UBOX5: variants seen among roughly 807,000 people sequenced by gnomAD.
UBOX5 encodes the protein RING finger protein 37.
UBOX5 carries 28 observed loss-of-function variants against 39.0 expected under a neutral mutation model. The observed-to-expected ratio is 0.72, with a 90% CI of 0.53 to 0.98. UBOX5 has a LOEUF of 0.98. Among genes scored for constraint, UBOX5 ranks in the 50% least tolerant of loss-of-function variants. The probability of loss-of-function intolerance (pLI) is 0.00; values close to 1 mark genes in which losing one functional copy is unlikely to be tolerated. For synonymous variants in UBOX5, 283 were observed against 275.5 expected, an observed-to-expected ratio of 1.03 and a Z score of -0.27; for missense variants, 585 against 674.4, an observed-to-expected ratio of 0.87 and a Z score of 1.47.
chr20:3,113,154 G>A (rs2148586263), intron 4 of UBOX5, among the ~76,000 whole-genome samples: 1 of 151,876 alleles, frequency 6.6e-6, no homozygotes, highest in East Asian at 1.9e-4. Flanking sequence ...GGGCTTGGTG[G>A]CGTTTGCCTG....
At chr20:3,114,872 C>T (rs1026158250) in intron 4 of UBOX5, among the ~76,000 whole-genome samples, 4 of 152,086 alleles carry the variant, frequency 2.6e-5, no homozygotes, top group Non-Finnish European at 4.4e-5. Flanking sequence ...AGCTTGAATC[C>T]AGGAGGCGGA....
At chr20:3,120,345 CAAA>C (rs35882932) in intron 3 of UBOX5, among the ~76,000 whole-genome samples, 1 of 70,990 alleles carries the variant, frequency 1.4e-5, no homozygotes, top group Non-Finnish European at 2.9e-5. Context: ...GACTCCATCT[CAAA>C]AAAAAAAAAA....
chr20:3,148,933 G>A lies in UBOX5; in HGVS notation c.-42+10833C>T, dbSNP rs777005954. 1.1e-5 allele frequency: 18 copies of A among 1,614,194 alleles called. No homozygotes were observed. In the East Asian group the frequency reaches 4.0e-4, roughly 36 times the overall value. Reference sequence around the variant, plus strand: ...TTTTGGCAGAATGGCAGAGGCTAATGTGTTCTGGAGGGTCCTGTCCCCCAT... The same window carrying A: ...TTTTGGCAGAATGGCAGAGGCTAATATGTTCTGGAGGGTCCTGTCCCCCAT... On this transcript the variant is annotated intron_variant, in intron 1 of 4. Transcript: ENST00000217173.
chr20:3,135,837 C>T (rs2066467037), intron 1 of UBOX5, among the ~76,000 whole-genome samples: 1 of 151,938 alleles, frequency 6.6e-6, no homozygotes, highest in African/African-American at 2.4e-5. Flanking sequence ...ATCGGTGAAT[C>T]ATTATCAGTA....
intron 4 of UBOX5, 140 bp from the exon 5 acceptor site, chr20:3,110,454 G>A: frequency 2.0e-6 from 2 of 984,782 alleles, no homozygotes; most frequent in Non-Finnish European, 3.1e-6. Flanking sequence ...GTCTGATCAG[G>A]TAGGGGAGTG....
chr20:3,146,523 T>C (rs1337388798), intron 1 of UBOX5: 6 of 396,964 alleles, frequency 1.5e-5, no homozygotes, highest in Non-Finnish European at 2.7e-5. Flanking sequence ...AAGGACTTAC[T>C]TGACCGTAGG....
chr20:3,155,474 TG>T (rs1346526432), intron 1 of UBOX5, among the ~76,000 whole-genome samples: 1 of 151,968 alleles, frequency 6.6e-6, no homozygotes, highest in East Asian at 1.9e-4. Flanking sequence ...GAGGTTGTGG[TG>T]AGGCGAGGTC....
rs1329262975 is a variant in UBOX5, at chr20:3,108,007, A to G, written c.*2099T>C. 6.6e-6 allele frequency: 1 copy of G among 152,244 alleles called. No homozygotes were observed. The highest frequency in any genetic ancestry group is 6.5e-5 in the Admixed American group (1 of 15,286). The allele number at this position is 152,244 out of a possible 1,614,324, so 9.4% of individuals were successfully genotyped here. A position where few individuals can be genotyped will look rare whatever the true frequency, so the allele number is the denominator to read the frequency against. ...CAGCCAGAGCACACTGTGGGTGTCA[A>G]GCTGCTGGTGGGAAGCAGGCTGTTC... On this transcript the variant is annotated 3_prime_UTR_variant, in exon 5 of 5. Coordinates refer to ENST00000217173, the MANE Select transcript of UBOX5 (RefSeq NM_014948.4).
At chr20:3,154,397 ACAGG>A (rs758486063) in intron 1 of UBOX5, among the ~76,000 whole-genome samples, 1 of 152,248 alleles carries the variant, frequency 6.6e-6, no homozygotes, top group Non-Finnish European at 1.5e-5. Context: ...ATATGTTACC[ACAGG>A]CAGGATGCAA....
In UBOX5 at chr20:3,121,474, G is replaced by A; in HGVS notation, c.1165C>T (p.Pro389Ser). Residue 389 changes from proline (P) to serine (S), a missense_variant, in exon 3 of 5, where the codon CCT (proline) becomes TCT (serine). Physicochemically the swap from Pro to Ser is moderately conservative, Grantham distance 74. Transcript: ENST00000217173. ...VNASCFSATS[P>S]LVLPTTSEHT... ...TCTGAGGTAGTGGGTAAGACCAAAG[G>A]GCTTGTGGCAGAAAAACAGGAAGCA... 5 of 1,614,030 alleles carry A rather than the reference G, an allele frequency of 3.1e-6. No individual in the cohort carries two copies. Among genetic ancestry groups the A allele is most frequent in the South Asian group, 1.1e-5 (1 of 91,064 alleles).
intron 1 of UBOX5, among the ~76,000 whole-genome samples, chr20:3,134,844 A>G (rs1468426235): frequency 1.3e-5 from 2 of 152,096 alleles, no homozygotes; most frequent in East Asian, 3.9e-4. Context: ...CAGCCTGGGC[A>G]ACAAGAGCGA....
At chr20:3,147,801 G>C in intron 1 of UBOX5, 1 of 1,614,182 alleles carries the variant, frequency 6.2e-7, no homozygotes, top group Non-Finnish European at 8.5e-7. Flanking sequence ...CTTCGACAGT[G>C]TGCCACTCTA....
chr20:3,148,616 C>CT, intron 1 of UBOX5: 1 of 1,614,164 alleles, frequency 6.2e-7, no homozygotes, highest in Non-Finnish European at 8.5e-7. Flanking sequence ...TTGATTAACT[C>CT]TGACTTTGTG....
chr20:3,126,993 G>A (rs963160132), intron 1 of UBOX5, among the ~76,000 whole-genome samples: 6 of 132,030 alleles, frequency 4.5e-5, no homozygotes, highest in Non-Finnish European at 6.1e-5. Context: ...CCGAGATTGC[G>A]CTACTGCACT....
chr20:3,146,728 T>C, intron 1 of UBOX5: 2 of 1,557,656 alleles, frequency 1.3e-6, no homozygotes, highest in African/African-American at 1.4e-5. Context: ...CAACACCTGG[T>C]ACAGTATACA....
intron 1 of UBOX5, among the ~76,000 whole-genome samples, chr20:3,155,316 G>A (rs1274354903): frequency 6.6e-6 from 1 of 152,162 alleles, no homozygotes; most frequent in Non-Finnish European, 1.5e-5. Context: ...GATCACCTGA[G>A]GTCAGGAGTT....
chr20:3,146,600 A>G, intron 1 of UBOX5: 1 of 677,610 alleles, frequency 1.5e-6, no homozygotes, highest in Non-Finnish European at 2.5e-6. Flanking sequence ...TGTACAATCC[A>G]ACTACATTAC....
chr20:3,148,441 CAAA>C, intron 1 of UBOX5: 1 of 1,614,098 alleles, frequency 6.2e-7, no homozygotes, highest in Non-Finnish European at 8.5e-7. Context: ...CAAAAGCTTT[CAAA>C]ACATTGATCA....
At chr20:3,111,060 C>T (rs1190736766) in intron 4 of UBOX5, among the ~76,000 whole-genome samples, 1 of 152,156 alleles carries the variant, frequency 6.6e-6, no homozygotes, top group Non-Finnish European at 1.5e-5. Flanking sequence ...CCCTGGCCCT[C>T]TCGGCAGGCT....
Sources: gnomAD v4.1 joint callset for allele counts (sites outside exome capture counted in the v4.1 genomes callset) on GRCh38, gnomAD v4.1.1 for gene constraint, MANE v1.5 for transcripts, NCBI Gene and HGNC (gene_info 2026-07-23, HGNC 2026-07-21) for gene names.